PCP4: variants seen among roughly 807,000 people sequenced by gnomAD.
PCP4 encodes Purkinje cell protein 4, also known as calmodulin regulator protein PCP4.
PCP4 carries 8 observed loss-of-function variants against 10.0 expected under a neutral mutation model. That is an observed-to-expected ratio of 0.80 (90% CI 0.47 to 1.45). The LOEUF is 1.45. Among genes scored for constraint, PCP4 ranks in the 40% most tolerant of loss-of-function variants. PCP4 has a pLI of 0.00. For missense variants in PCP4, 54 were observed against 74.4 expected (o/e 0.73, Z 1.01); for synonymous variants, 21 against 23.0 (o/e 0.91, Z 0.24).
At chr21:39,887,376 CCTT>C (rs2087405820) in intron 1 of PCP4, among the ~76,000 whole-genome samples, 1 of 147,386 alleles carries the variant, frequency 6.8e-6, no homozygotes, top group African/African-American at 2.5e-5. Context: ...TTTTAAAAAA[CCTT>C]CTAGCTGAAG....
intron 1 of PCP4, among the ~76,000 whole-genome samples, chr21:39,879,784 T>A (rs2087363446): frequency 6.6e-6 from 1 of 152,116 alleles, no homozygotes; most frequent in South Asian, 2.1e-4. Context: ...TAGCTCAGAG[T>A]TCAGACATCC....
chr21:39,919,217 G>T (rs1601188387), intron 2 of PCP4, among the ~76,000 whole-genome samples: 1 of 152,178 alleles, frequency 6.6e-6, no homozygotes, highest in Non-Finnish European at 1.5e-5. Flanking sequence ...CCTCGGTGTG[G>T]CCGAGGGGAT....
At chr21:39,903,420 C>G (rs2087490217) in intron 2 of PCP4, among the ~76,000 whole-genome samples, 1 of 152,204 alleles carries the variant, frequency 6.6e-6, no homozygotes, top group Non-Finnish European at 1.5e-5. Flanking sequence ...TTTGAACTAC[C>G]TGTGGGACTC....
chr21:39,872,218 C>T (rs575164876), intron 1 of PCP4, among the ~76,000 whole-genome samples: 16 of 152,162 alleles, frequency 1.1e-4, no homozygotes, highest in Non-Finnish European at 1.5e-4. Flanking sequence ...TGACTGGTCT[C>T]GAACTCCTGA....
chr21:39,877,255 CA>C (rs1193101690), intron 1 of PCP4, among the ~76,000 whole-genome samples: 7 of 152,150 alleles, frequency 4.6e-5, no homozygotes, highest in Non-Finnish European at 1.0e-4. Flanking sequence ...GAAATCTTGA[CA>C]AAGCCATTGT....
intron 1 of PCP4, among the ~76,000 whole-genome samples, chr21:39,890,522 A>ATT (rs60378259): frequency 1.3e-4 from 19 of 142,878 alleles, no homozygotes; most frequent in Admixed American, 2.8e-4. Context: ...CACCCAGCTC[A>ATT]TTTTTTTTTT....
chr21:39,898,593 G>A, intron 2 of PCP4, 66 bp downstream of exon 2: 1 of 1,262,138 alleles, frequency 7.9e-7, no homozygotes, highest in Non-Finnish European at 1.2e-6. Context: ...TATGCAGCAG[G>A]TGCGGATCAT....
At chr21:39,915,928 A>C (rs2087566504) in intron 2 of PCP4, 1 of 152,128 alleles carries the variant, frequency 6.6e-6, no homozygotes. Flanking sequence ...CAGCCACAAC[A>C]CCTTTCTGCT....
At chr21:39,916,044 A>C (rs191489170) in intron 2 of PCP4, 1 of 151,838 alleles carries the variant, frequency 6.6e-6, no homozygotes, top group African/African-American at 2.4e-5. Context: ...GCCTGAAGAG[A>C]TTTTTTTTCT....
At chr21:39,891,640 C>T (rs772580273) in intron 1 of PCP4, among the ~76,000 whole-genome samples, 37 of 152,226 alleles carry the variant, frequency 2.4e-4, no homozygotes, top group Admixed American at 2.0e-3. Context: ...TGGCCCCGAA[C>T]GGCTGGGCTG....
At chr21:39,886,318 T>C (rs1019510577) in intron 1 of PCP4, among the ~76,000 whole-genome samples, 1 of 152,238 alleles carries the variant, frequency 6.6e-6, no homozygotes, top group African/African-American at 2.4e-5. Context: ...GTCGTCACCA[T>C]GAGTCTTTGT....
At chr21:39,918,227 T>A (rs1191363135) in intron 2 of PCP4, among the ~76,000 whole-genome samples, 1 of 152,218 alleles carries the variant, frequency 6.6e-6, no homozygotes, top group African/African-American at 2.4e-5. Flanking sequence ...TTTTGTGCTC[T>A]TCCTCGCTTA....
Position 39,906,688 on chromosome 21 carries a change from T to C in PCP4, c.61+8161T>C, listed in dbSNP as rs2087512204. The stretch of plus-strand genomic sequence containing the variant: ...GTGGACAGCTTTAGATCAGCTGAAA[T>C]AGAATTTCATTCCACATCATACAGA... On this transcript the variant is annotated intron_variant, in intron 2 of 2. Transcript: ENST00000328619. This position sits in a 1 kb window ranked among gnomAD's most constrained non-coding sequence, Gnocchi z 6.3. Among the ~76,000 whole-genome samples the C allele has an allele frequency of 6.6e-6, 1 of 152,130 alleles. No individual in the cohort carries two copies. The highest frequency in any genetic ancestry group is 1.5e-5 in the Non-Finnish European group (1 of 68,020).
chr21:39,883,864 C>G (rs2087387638), intron 1 of PCP4, among the ~76,000 whole-genome samples: 1 of 152,078 alleles, frequency 6.6e-6, no homozygotes, highest in African/African-American at 2.4e-5. Flanking sequence ...GCCTGTTTTA[C>G]CATTATTTTG....
At chr21:39,898,862 C>T (rs918342091) in intron 2 of PCP4, among the ~76,000 whole-genome samples, 2 of 152,210 alleles carry the variant, frequency 1.3e-5, no homozygotes, top group East Asian at 1.9e-4. Flanking sequence ...TGAGATCAAA[C>T]GAGATAAGTG....
intron 2 of PCP4, among the ~76,000 whole-genome samples, chr21:39,910,773 C>T (rs3819595): frequency 0.17 from 25,411 of 152,192 alleles, 2,295 homozygotes; most frequent in East Asian, 0.35. Context: ...TCTTCCTCGC[C>T]CTTTAGCCAT....
intron 1 of PCP4, among the ~76,000 whole-genome samples, chr21:39,868,734 G>A (rs1340661716): frequency 6.6e-6 from 1 of 152,216 alleles, no homozygotes; most frequent in Non-Finnish European, 1.5e-5. Flanking sequence ...AGGACACTGA[G>A]GCACAGAGAT....
At chr21:39,873,710 G>C (rs2146324574) in intron 1 of PCP4, among the ~76,000 whole-genome samples, 1 of 152,286 alleles carries the variant, frequency 6.6e-6, no homozygotes, top group South Asian at 2.1e-4. Flanking sequence ...GGCCTTTGGG[G>C]TATAGATATG....
At chr21:39,921,926 A>G (rs1310236638) in intron 2 of PCP4, among the ~76,000 whole-genome samples, 2 of 152,254 alleles carry the variant, frequency 1.3e-5, no homozygotes. Context: ...CTGCTCCAGC[A>G]CCAAACTCTG....
Sources: allele counts gnomAD v4.1 joint callset (sites outside exome capture counted in the v4.1 genomes callset), GRCh38; gene constraint gnomAD v4.1.1; non-coding constraint Gnocchi (gnomAD v3.1); transcripts MANE v1.5; gene names NCBI Gene and HGNC (gene_info 2026-07-23, HGNC 2026-07-21).